Variants in CCDC91 observed in about 807,000 individuals in gnomAD.
The protein encoded by CCDC91 is coiled-coil domain containing 91.
CCDC91 carries 48 observed loss-of-function variants against 63.2 expected under a neutral mutation model. The ratio of observed to expected loss-of-function variants is 0.76; its 90% CI spans 0.60 to 0.97. The LOEUF (loss-of-function observed/expected upper bound fraction) is 0.97, where lower values mean the gene tolerates loss of function less well. Among genes scored for constraint, CCDC91 ranks in the 50% least tolerant of loss-of-function variants. CCDC91 has a pLI of 0.00. For missense variants in CCDC91, 500 were observed against 494.6 expected (o/e 1.01, Z -0.10); for synonymous variants, 167 against 165.8 (o/e 1.01, Z -0.06).
chr12:28,427,245 C>T (rs1266452195), intron 8 of CCDC91, among the ~76,000 whole-genome samples: 1 of 152,098 alleles, frequency 6.6e-6, no homozygotes, highest in Non-Finnish European at 1.5e-5. Context: ...GATAAAAAGG[C>T]TAGAGCGCGC....
chr12:28,438,270 G>C (rs1446383044), intron 8 of CCDC91, among the ~76,000 whole-genome samples: 1 of 152,074 alleles, frequency 6.6e-6, no homozygotes, highest in Non-Finnish European at 1.5e-5. Flanking sequence ...TAGGTCATGA[G>C]GGCTCCACCA....
intron 8 of CCDC91, among the ~76,000 whole-genome samples, chr12:28,438,331 C>T (rs372378554): frequency 6.6e-6 from 1 of 152,194 alleles, no homozygotes; most frequent in East Asian, 1.9e-4. Context: ...AAGTTTGGCT[C>T]TTCTACCATG....
intron 12 of CCDC91, among the ~76,000 whole-genome samples, chr12:28,506,582 T>A (rs981919056): frequency 6.6e-6 from 1 of 152,006 alleles, no homozygotes; most frequent in Admixed American, 6.6e-5. Context: ...CAGCCACTAT[T>A]TATTCATTGT....
intron 8 of CCDC91, among the ~76,000 whole-genome samples, chr12:28,392,441 C>T (rs187004174): frequency 4.6e-5 from 7 of 152,180 alleles, no homozygotes; most frequent in East Asian, 1.9e-4. Flanking sequence ...GTAATTGCGA[C>T]GTGGAACATT....
intron 8 of CCDC91, among the ~76,000 whole-genome samples, chr12:28,436,763 T>TA (rs1473001119): frequency 6.6e-6 from 1 of 151,900 alleles, no homozygotes; most frequent in Non-Finnish European, 1.5e-5. Flanking sequence ...AGATTTTTTT[T>TA]TTATTATTAT....
intron 8 of CCDC91, among the ~76,000 whole-genome samples, chr12:28,437,872 A>G (rs1948990811): frequency 6.6e-6 from 1 of 152,122 alleles, no homozygotes; most frequent in Non-Finnish European, 1.5e-5. Context: ...ACTCTGCAAT[A>G]AAGTATTCTT....
intron 11 of CCDC91, among the ~76,000 whole-genome samples, chr12:28,470,711 TA>T (rs891735666): frequency 2.0e-5 from 3 of 152,194 alleles, no homozygotes; most frequent in South Asian, 2.1e-4. Flanking sequence ...ATGAATAGGT[TA>T]AAAAAATGTG....
intron 12 of CCDC91, among the ~76,000 whole-genome samples, chr12:28,502,601 C>T (rs1938073790): frequency 1.3e-5 from 2 of 149,860 alleles, no homozygotes; most frequent in South Asian, 4.2e-4. Context: ...TCATATGGAA[C>T]CAAAAAAGAG....
chr12:28,397,555 A>ATT (rs778831334), intron 8 of CCDC91, among the ~76,000 whole-genome samples: 29 of 152,160 alleles, frequency 1.9e-4, no homozygotes, highest in Non-Finnish European at 1.8e-4. Flanking sequence ...GTGGAGACTA[A>ATT]CCTGTCTTAG....
chr12:28,296,142 T>G (rs985914212), intron 3 of CCDC91, among the ~76,000 whole-genome samples: 1 of 151,214 alleles, frequency 6.6e-6, no homozygotes, highest in African/African-American at 2.4e-5. Flanking sequence ...TTAAATTTTA[T>G]TTTTTAAATT....
intron 3 of CCDC91, among the ~76,000 whole-genome samples, chr12:28,269,934 TATTA>T (rs542765621): frequency 6.6e-6 from 1 of 152,252 alleles, no homozygotes; most frequent in South Asian, 2.1e-4. Context: ...CTGATTTTTG[TATTA>T]ATTTACATGA....
At chr12:28,301,186 T>G (rs1391356779) in intron 3 of CCDC91, among the ~76,000 whole-genome samples, 4 of 151,618 alleles carry the variant, frequency 2.6e-5, no homozygotes, top group African/African-American at 9.7e-5. Flanking sequence ...TTCCCATTAG[T>G]TAAGTTGCTG....
chr12:28,210,437 A>T (rs930939187), intron 1 of CCDC91, among the ~76,000 whole-genome samples: 4 of 152,160 alleles, frequency 2.6e-5, no homozygotes, highest in Non-Finnish European at 5.9e-5. Context: ...CACATATATA[A>T]CTGCACAGAC....
At position 28,294,393 on chromosome 12, in the gene CCDC91, C is replaced by A. The variant is rs11049511; in HGVS notation, c.110-11256C>A. ...ATTGGGTTATGGAGGTGGTTCCCCCCGCATGCTGTTCTTGTGGTAATGAGT... is the reference window on the plus strand; with the variant it reads ...ATTGGGTTATGGAGGTGGTTCCCCCAGCATGCTGTTCTTGTGGTAATGAGT... On this transcript the variant is annotated intron_variant, in intron 3 of 12. Transcript: ENST00000536442. Among the ~76,000 whole-genome samples, 5 of 151,926 alleles carry A rather than the reference C, an allele frequency of 3.3e-5. No homozygotes were observed. In the South Asian group the frequency reaches 6.2e-4, roughly 19 times the overall value.
At chr12:28,195,826 CCA>C (rs1391345584) in intron 1 of CCDC91, among the ~76,000 whole-genome samples, 2 of 152,060 alleles carry the variant, frequency 1.3e-5, no homozygotes, top group Non-Finnish European at 2.9e-5. Flanking sequence ...CTTTCCTGTC[CCA>C]CTGCTATGGC....
intron 11 of CCDC91, among the ~76,000 whole-genome samples, chr12:28,471,758 C>CTTTTTTTT (rs375850875): frequency 0.2 from 29,414 of 148,356 alleles, 3,825 homozygotes; most frequent in Non-Finnish European, 0.3. Context: ...TTTTCTCTCT[C>CTTTTTTTT]TTTTTTTTTG....
intron 8 of CCDC91, among the ~76,000 whole-genome samples, chr12:28,439,726 C>G (rs1235623007): frequency 3.9e-5 from 5 of 129,710 alleles, no homozygotes; most frequent in Non-Finnish European, 7.0e-5. Flanking sequence ...TTTTTTCTTT[C>G]TTTTTTCTTT....
At chr12:28,299,790 T>A (rs1374261956) in intron 3 of CCDC91, among the ~76,000 whole-genome samples, 1 of 151,654 alleles carries the variant, frequency 6.6e-6, no homozygotes, top group Non-Finnish European at 1.5e-5. Flanking sequence ...ATTTTCATTT[T>A]GGTAAATCGT....
At chr12:28,385,040 C>A (rs1235723921) in intron 7 of CCDC91, among the ~76,000 whole-genome samples, 1 of 151,988 alleles carries the variant, frequency 6.6e-6, no homozygotes, top group African/African-American at 2.4e-5. Context: ...ATAAAAATAT[C>A]TCTTCATAGC....
Sources: allele counts gnomAD v4.1 joint callset (sites outside exome capture counted in the v4.1 genomes callset), GRCh38; gene constraint gnomAD v4.1.1; transcripts MANE v1.5; gene names NCBI Gene and HGNC (gene_info 2026-07-23, HGNC 2026-07-21).